The following OR4C16 variants were observed in gnomAD, a reference collection of about 807,000 sequenced individuals.
The protein encoded by OR4C16 is olfactory receptor 4C16.
Under a neutral mutation model 14.4 loss-of-function variants are expected in OR4C16, and 24 were observed. The observed-to-expected ratio is 1.66, with a 90% CI of 1.21 to 2.34. The LOEUF (loss-of-function observed/expected upper bound fraction) is 2.34. Ranked by LOEUF, OR4C16 falls within the 30% of genes most tolerant of loss-of-function variation. OR4C16 has a pLI of 0.00. For synonymous variants in OR4C16, 233 were observed against 133.5 expected, an observed-to-expected ratio of 1.75 and a Z score of -5.14; for missense variants, 674 against 364.2, an observed-to-expected ratio of 1.85 and a Z score of -6.92.
At position 55,572,985 on chromosome 11, in the gene OR4C16, G is replaced by T; in HGVS notation, c.858G>T (p.Thr286=). Residue 286 remains threonine, a synonymous_variant, in exon 1 of 1, where the codon ACG becomes ACT. Coordinates refer to ENST00000623907, the MANE Select transcript of OR4C16 (RefSeq NM_001004701.2). The part of the protein sequence containing the change: ...GTSFLNPVIY[T]LKNTEVKSAM... ...CTTTTCTCAACCCTGTGATTTACAC[G>T]CTGAAGAATACAGAAGTGAAAAGTG... 6.2e-7 allele frequency: 1 copy of T among 1,611,234 alleles called. No homozygotes were observed. The highest frequency in any genetic ancestry group is 8.5e-7 in the Non-Finnish European group (1 of 1,178,222).
Position 55,572,988 on chromosome 11 carries a change from G to C in OR4C16, c.861G>C (p.Leu287=). The C allele has an allele frequency of 6.2e-7, 1 of 1,605,804 alleles. No homozygotes were observed. The highest frequency in any genetic ancestry group is 8.5e-7 in the Non-Finnish European group (1 of 1,174,548). Residue 287 remains leucine, a synonymous_variant, in exon 1 of 1, where the codon CTG becomes CTC. Transcript: ENST00000623907. ...TSFLNPVIYT[L]KNTEVKSAMR... is the part of the protein sequence containing the mutation. ...TTCTCAACCCTGTGATTTACACGCT[G>C]AAGAATACAGAAGTGAAAAGTGCCA...
rs1458084815 is a variant in OR4C16 at position 55,572,648 on chromosome 11, AC to A, written c.522del (p.Cys175ValfsTer9). ...TTCTGTGGCCCCAATGTGATCAATC[AC>A]TGTTTCTGTGACTTGCAGCCCTTGT... is the stretch of plus-strand genomic sequence containing the variant. ...LPFCGPNVIN[H>X]CFCDLQPLLK... is the part of the protein sequence containing the mutation. On this transcript the variant is annotated frameshift_variant, in exon 1 of 1. Coordinates refer to ENST00000623907, the MANE Select transcript of OR4C16 (RefSeq NM_001004701.2). LOFTEE classifies it high-confidence loss of function. 6.2e-7 allele frequency: 1 copy of A among 1,614,140 alleles called. No individual in the cohort carries two copies. Among genetic ancestry groups the A allele is most frequent in the Admixed American group, 1.7e-5 (1 of 60,016 alleles).
chr11:55,573,040 A>T lies in OR4C16; in HGVS notation c.913A>T (p.Ile305Phe). The change falls in exon 1 of 1, where the codon ATC becomes TTC. Residue 305 changes from isoleucine (I) to phenylalanine (F), a missense_variant. Coordinates refer to ENST00000623907, the MANE Select transcript of OR4C16 (RefSeq NM_001004701.2). ...AMRKLWSKKL[I>F]TDDKR ...GAGGAAGCTTTGGAGCAAGAAATTGATCACAGATGACAAAAGATAAATGAA... is the reference window on the plus strand; with the variant it reads ...GAGGAAGCTTTGGAGCAAGAAATTGTTCACAGATGACAAAAGATAAATGAA... 6.4e-7 allele frequency: 1 copy of T among 1,558,274 alleles called. No individual in the cohort carries two copies. Among genetic ancestry groups the T allele is most frequent in the Non-Finnish European group, 8.7e-7 (1 of 1,150,854 alleles).
At position 55,572,841 on chromosome 11, in the gene OR4C16, T is replaced by A; in HGVS notation, c.714T>A (p.Cys238Ter). ...TGATAAAGAAAGCACTTTCCACATG[T>A]GTCTCCCACATCATTGTGGTCATCT... is the stretch of plus-strand genomic sequence containing the variant. ...AEVIKKALST[C>*]VSHIIVVILF... The change falls in exon 1 of 1, where the codon TGT becomes TGA. Residue 238 changes from cysteine (C) to a stop codon, truncating the protein, a stop_gained. Coordinates refer to ENST00000623907, the MANE Select transcript of OR4C16 (RefSeq NM_001004701.2). LOFTEE classifies it high-confidence loss of function. 3 of 1,613,926 alleles carry A rather than the reference T, an allele frequency of 1.9e-6. No individual in the cohort carries two copies. Among genetic ancestry groups the A allele is most frequent in the Non-Finnish European group, 2.5e-6 (3 of 1,179,780 alleles).
At position 55,572,995 on chromosome 11, in the gene OR4C16, A is replaced by T. The variant is rs1243599911; in HGVS notation, c.868A>T (p.Thr290Ser). The T allele has an allele frequency of 6.2e-7, 1 of 1,605,886 alleles. No individual in the cohort carries two copies. Among genetic ancestry groups the T allele is most frequent in the Non-Finnish European group, 8.5e-7 (1 of 1,174,676 alleles). ...LNPVIYTLKN[T>S]EVKSAMRKLW... ...CCCTGTGATTTACACGCTGAAGAAT[A>T]CAGAAGTGAAAAGTGCCATGAGGAA... The change falls in exon 1 of 1, where the codon ACA (threonine) becomes TCA (serine). Residue 290 changes from threonine (T) to serine (S), a missense_variant. Transcript: ENST00000623907.
rs1565052941 is a variant in OR4C16, at chr11:55,573,043, A to T, written c.916A>T (p.Thr306Ser). 2 of 1,552,834 alleles carry T rather than the reference A, an allele frequency of 1.3e-6. No homozygotes were observed. The highest frequency in any genetic ancestry group is 3.5e-4 in the Middle Eastern group (2 of 5,768). ...MRKLWSKKLI[T>S]DDKR ...GAAGCTTTGGAGCAAGAAATTGATC[A>T]CAGATGACAAAAGATAAATGAAGGT... Residue 306 changes from threonine (T) to serine (S), a missense_variant, in exon 1 of 1, where the codon ACA becomes TCA. Physicochemically the swap from Thr to Ser is moderately conservative, Grantham distance 58. Transcript: ENST00000623907.
rs1311002033 is a variant in OR4C16, at chr11:55,572,435, A to T, written c.308A>T (p.His103Leu). The T allele has an allele frequency of 6.2e-7, 1 of 1,613,804 alleles. No homozygotes were observed. The highest frequency in any genetic ancestry group is 8.5e-7 in the Non-Finnish European group (1 of 1,179,984). Residue 103 changes from histidine to leucine, a missense_variant, in exon 1 of 1, where the codon CAT (histidine) becomes CTT (leucine). Physicochemically the swap from His to Leu is moderately conservative, Grantham distance 99. Coordinates refer to ENST00000623907, the MANE Select transcript of OR4C16 (RefSeq NM_001004701.2). The part of the protein sequence containing the change: ...SECMIQVFSS[H>L]VFGCLEIFIL... ...TGCATGATCCAAGTCTTTTCATCCC[A>T]TGTCTTTGGCTGCCTGGAGATCTTC...
At position 55,572,266 on chromosome 11, in the gene OR4C16, G is replaced by T. The variant is rs781407515; in HGVS notation, c.139G>T (p.Val47Phe). The stretch of plus-strand genomic sequence containing the variant: ...GGGTAATTTGCTAATCATTATTAGT[G>T]TCAAGACCAGCCAGGCACTTAAGAA... ...LLGNLLIIIS[V>F]KTSQALKNPM... The change falls in exon 1 of 1, where the codon GTC becomes TTC. Residue 47 changes from valine to phenylalanine, a missense_variant. Physicochemically the swap from Val to Phe is conservative, Grantham distance 50. Coordinates refer to ENST00000623907, the MANE Select transcript of OR4C16 (RefSeq NM_001004701.2). 7.4e-6 allele frequency: 12 copies of T among 1,612,946 alleles called. No individual in the cohort carries two copies. The African/African-American group carries it at 1.3e-4, about 18-fold the overall frequency.
Position 55,573,001 on chromosome 11 carries a change from G to T in OR4C16, c.874G>T (p.Val292Leu). Residue 292 changes from valine (V) to leucine (L), a missense_variant, in exon 1 of 1, where the codon GTG becomes TTG. Physicochemically the swap from Val to Leu is conservative, Grantham distance 32. Transcript: ENST00000623907. ...GATTTACACGCTGAAGAATACAGAA[G>T]TGAAAAGTGCCATGAGGAAGCTTTG... ...PVIYTLKNTE[V>L]KSAMRKLWSK... 1 of 1,599,892 alleles carries T rather than the reference G, an allele frequency of 6.3e-7. No individual in the cohort carries two copies. The highest frequency in any genetic ancestry group is 8.5e-7 in the Non-Finnish European group (1 of 1,171,180).
Position 55,572,545 on chromosome 11 carries a change from G to T in OR4C16, c.418G>T (p.Gly140Cys), listed in dbSNP as rs867535451. ...YMTIISQWVC[G>C]VLMAVAWVGS... is the part of the protein sequence containing the mutation. Reference sequence around the variant, plus strand: ...GACCATCATAAGCCAGTGGGTCTGTGGTGTTTTGATGGCTGTGGCCTGGGT... The same window carrying T: ...GACCATCATAAGCCAGTGGGTCTGTTGTGTTTTGATGGCTGTGGCCTGGGT... The change falls in exon 1 of 1, where the codon GGT becomes TGT. Residue 140 changes from glycine to cysteine, a missense_variant. Physicochemically the swap from Gly to Cys is radical, Grantham distance 159 (BLOSUM62 -3). Transcript: ENST00000623907. 1.9e-5 allele frequency: 30 copies of T among 1,613,942 alleles called. No homozygotes were observed. Among genetic ancestry groups the T allele is most frequent in the Non-Finnish European group, 2.5e-5 (30 of 1,180,002 alleles).
In OR4C16 at chr11:55,572,312, T is replaced by C. The variant is rs528285011; in HGVS notation, c.185T>C (p.Phe62Ser). 3.0e-5 allele frequency: 49 copies of C among 1,613,610 alleles called. 1 individual carries two copies. The South Asian group carries it at 4.9e-4, about 16-fold the overall frequency. Reference protein sequence around the residue: ...ALKNPMFFFLFYLSLSDTCLS... With the variant: ...ALKNPMFFFLSYLSLSDTCLS... ...AAGAACCCAATGTTCTTCTTCCTTT[T>C]CTACTTATCCTTATCTGATACTTGC... Residue 62 changes from phenylalanine (F) to serine (S), a missense_variant, in exon 1 of 1, where the codon TTC becomes TCC. Transcript: ENST00000623907.
rs1857394807 is a variant in OR4C16 at position 55,572,439 on chromosome 11, C to A, written c.312C>A (p.Val104=). 1.2e-6 allele frequency: 2 copies of A among 1,613,944 alleles called. No individual in the cohort carries two copies. The change falls in exon 1 of 1, where the codon GTC becomes GTA. Residue 104 remains valine, a synonymous_variant. Transcript: ENST00000623907. ...TGATCCAAGTCTTTTCATCCCATGT[C>A]TTTGGCTGCCTGGAGATCTTCATCC... The part of the protein sequence containing the change: ...ECMIQVFSSH[V]FGCLEIFILI...
rs1457161774 is a variant in OR4C16, at chr11:55,572,152, G to C, written c.25G>C (p.Glu9Gln). 1 of 1,609,478 alleles carries C rather than the reference G, an allele frequency of 6.2e-7. No individual in the cohort carries two copies. The highest frequency in any genetic ancestry group is 1.1e-5 in the South Asian group (1 of 90,666). The change falls in exon 1 of 1, where the codon GAG (glutamate) becomes CAG (glutamine). Residue 9 changes from glutamate (E) to glutamine (Q), a missense_variant. Physicochemically the swap from Glu to Gln is conservative, Grantham distance 29. Coordinates refer to ENST00000623907, the MANE Select transcript of OR4C16 (RefSeq NM_001004701.2). ...CATGCAACTGAATAATAATGTGACTGAGTTCATTCTGCTTGGATTGACACA... is the reference window on the plus strand; with the variant it reads ...CATGCAACTGAATAATAATGTGACTCAGTTCATTCTGCTTGGATTGACACA... MQLNNNVT[E>Q]FILLGLTQDP... is the part of the protein sequence containing the mutation.
chr11:55,572,928 G>A lies in OR4C16; in HGVS notation c.801G>A (p.Lys267=), dbSNP rs774798076. 4 of 1,613,388 alleles carry A rather than the reference G, an allele frequency of 2.5e-6. No homozygotes were observed. The East Asian group carries it at 8.9e-5, about 36-fold the overall frequency. Residue 267 remains lysine (K), a synonymous_variant, in exon 1 of 1, where the codon AAG becomes AAA. Coordinates refer to ENST00000623907, the MANE Select transcript of OR4C16 (RefSeq NM_001004701.2). ...TTGCAACCGTATTCCCCATGGATAA[G>A]ATGATAGCTGTATTTTATACAGTTG... ...TCLATVFPMD[K]MIAVFYTVGT... is the part of the protein sequence containing the mutation.
In OR4C16 at chr11:55,573,002, T is replaced by C. The variant is rs550446440; in HGVS notation, c.875T>C (p.Val292Ala). ...ATTTACACGCTGAAGAATACAGAAG[T>C]GAAAAGTGCCATGAGGAAGCTTTGG... The part of the protein sequence containing the change: ...PVIYTLKNTE[V>A]KSAMRKLWSK... Residue 292 changes from valine to alanine, a missense_variant, in exon 1 of 1, where the codon GTG becomes GCG. Transcript: ENST00000623907. 6.3e-7 allele frequency: 1 copy of C among 1,597,532 alleles called. No homozygotes were observed. The highest frequency in any genetic ancestry group is 8.5e-7 in the Non-Finnish European group (1 of 1,169,858).
At position 55,572,750 on chromosome 11, in the gene OR4C16, G is replaced by C; in HGVS notation, c.623G>C (p.Ser208Thr). The change falls in exon 1 of 1, where the codon AGT (serine) becomes ACT (threonine). Residue 208 changes from serine (S) to threonine (T), a missense_variant. Ser to Thr is a moderately conservative substitution (Grantham distance 58). Transcript: ENST00000623907. ...VSNSGAICAV[S>T]YVMLIFSYVI... ...AATAGTGGGGCCATTTGTGCAGTGA[G>C]TTATGTCATGCTAATATTCTCCTAT... 6.2e-7 allele frequency: 1 copy of C among 1,614,030 alleles called. No individual in the cohort carries two copies.
chr11:55,572,710 C>G lies in OR4C16; in HGVS notation c.583C>G (p.Leu195Val), dbSNP rs751147072. The G allele has an allele frequency of 1.9e-6, 3 of 1,613,440 alleles. No homozygotes were observed. In the African/African-American group the frequency reaches 4.0e-5, roughly 22 times the overall value. The change falls in exon 1 of 1, where the codon CTA (leucine) becomes GTA (valine). Residue 195 changes from leucine (L) to valine (V), a missense_variant. Physicochemically the swap from Leu to Val is conservative, Grantham distance 32. Coordinates refer to ENST00000623907, the MANE Select transcript of OR4C16 (RefSeq NM_001004701.2). The stretch of plus-strand genomic sequence containing the variant: ...CTGTTCAGAAACCTATGTGGTTAAC[C>G]TACTCCTGGTTTCCAATAGTGGGGC... ...QACSETYVVNLLLVSNSGAIC... is the reference protein window; with the variant it reads ...QACSETYVVNVLLVSNSGAIC...
chr11:55,572,354 C>G lies in OR4C16; in HGVS notation c.227C>G (p.Thr76Ser), dbSNP rs372108090. The G allele has an allele frequency of 4.3e-6, 7 of 1,612,484 alleles. No individual in the cohort carries two copies. Among genetic ancestry groups the G allele is most frequent in the Non-Finnish European group, 5.1e-6 (6 of 1,178,668 alleles). Residue 76 changes from threonine to serine, a missense_variant, in exon 1 of 1, where the codon ACC (threonine) becomes AGC (serine). Coordinates refer to ENST00000623907, the MANE Select transcript of OR4C16 (RefSeq NM_001004701.2). Reference sequence around the variant, plus strand: ...GATACTTGCCTCTCTACTTCCATAACCCCTAGAATGATTGTGGATGCCCTT... The same window carrying G: ...GATACTTGCCTCTCTACTTCCATAAGCCCTAGAATGATTGTGGATGCCCTT... ...LSDTCLSTSI[T>S]PRMIVDALLK...
chr11:55,572,510 T>G lies in OR4C16; in HGVS notation c.383T>G (p.Leu128Arg). Residue 128 changes from leucine (L) to arginine (R), a missense_variant, in exon 1 of 1, where the codon CTG becomes CGG. Leu to Arg is a moderately radical substitution (Grantham distance 102, BLOSUM62 -2). Transcript: ENST00000623907. ...CGCTATGTGGACATCTGTAAGCCCC[T>G]GCACTACATGACCATCATAAGCCAG... Reference protein sequence around the residue: ...VDRYVDICKPLHYMTIISQWV... With the variant: ...VDRYVDICKPRHYMTIISQWV... The G allele has an allele frequency of 1.2e-6, 2 of 1,614,126 alleles. No individual in the cohort carries two copies. The highest frequency in any genetic ancestry group is 1.7e-6 in the Non-Finnish European group (2 of 1,180,010).
Sources: gnomAD v4.1 joint callset for allele counts on GRCh38, gnomAD v4.1.1 for gene constraint, MANE v1.5 for transcripts, NCBI Gene and HGNC (gene_info 2026-07-23, HGNC 2026-07-21) for gene names.